PACS1: variants seen among roughly 807,000 people sequenced by gnomAD.
PACS1 encodes the protein PACS-1.
Under a neutral mutation model 115.0 loss-of-function variants are expected in PACS1, and 24 were observed. The ratio of observed to expected loss-of-function variants is 0.21; its 90% confidence interval spans 0.15 to 0.29. The LOEUF is 0.29. Ranked by LOEUF, PACS1 falls within the 10% of genes least tolerant of loss-of-function variation. The probability of loss-of-function intolerance (pLI) is 1.00; values close to 1 mark genes in which losing one functional copy is unlikely to be tolerated. For missense variants in PACS1, 838 were observed against 1,251.2 expected (o/e 0.67, Z 4.98); for synonymous variants, 453 against 504.5 (o/e 0.90, Z 1.37).
intron 11 of PACS1, 147 bp from the exon 12 acceptor site, chr11:66,230,401 C>T (rs1289817736): frequency 1.6e-6 from 1 of 633,956 alleles, no homozygotes; most frequent in Non-Finnish European, 2.8e-6. Flanking sequence ...TCGGCTGAGG[C>T]AGGAGCTTTA....
intron 4 of PACS1, among the ~76,000 whole-genome samples, chr11:66,214,446 T>G (rs1855150347): frequency 6.6e-6 from 1 of 152,084 alleles, no homozygotes; most frequent in Non-Finnish European, 1.5e-5. Flanking sequence ...TGTGAAGGAC[T>G]TACACTAAAA....
intron 3 of PACS1, among the ~76,000 whole-genome samples, chr11:66,210,655 G>C (rs1170213375): frequency 6.6e-6 from 1 of 152,158 alleles, no homozygotes; most frequent in Non-Finnish European, 1.5e-5. Flanking sequence ...TGGAGACCTG[G>C]GTAGGCACCG....
intron 1 of PACS1, among the ~76,000 whole-genome samples, chr11:66,185,719 C>T (rs1860114204): frequency 6.6e-6 from 1 of 152,094 alleles, no homozygotes; most frequent in Non-Finnish European, 1.5e-5. Flanking sequence ...TTTGTTATTT[C>T]AGCTTTTGAG....
chr11:66,100,682 C>G, intron 1 of PACS1: 1 of 401,048 alleles, frequency 2.5e-6, no homozygotes, highest in Non-Finnish European at 5.0e-6. Flanking sequence ...ATACTCAATT[C>G]TCTCTGCGGC....
chr11:66,154,195 G>C (rs997339985), intron 1 of PACS1, among the ~76,000 whole-genome samples: 2 of 152,170 alleles, frequency 1.3e-5, no homozygotes, highest in Non-Finnish European at 2.9e-5. Flanking sequence ...CCAGTGCTTT[G>C]GGAGTCCAAG....
intron 1 of PACS1, among the ~76,000 whole-genome samples, chr11:66,187,631 C>T (rs1854413361): frequency 6.6e-6 from 1 of 152,186 alleles, no homozygotes; most frequent in Non-Finnish European, 1.5e-5. Flanking sequence ...CTGCAAATGA[C>T]AGGATCTCAC....
At chr11:66,092,807 A>T (rs1301542306) in intron 1 of PACS1, among the ~76,000 whole-genome samples, 1 of 151,832 alleles carries the variant, frequency 6.6e-6, no homozygotes, top group Admixed American at 6.6e-5. Flanking sequence ...TGTTTTTCTC[A>T]GGTTTGTCAA....
rs1855661123 is a variant in PACS1 at position 66,234,234 on chromosome 11, C to G, written c.2096C>G (p.Pro699Arg). 1 of 1,611,332 alleles carries G rather than the reference C, an allele frequency of 6.2e-7. No individual in the cohort carries two copies. The highest frequency in any genetic ancestry group is 1.7e-5 in the Admixed American group (1 of 60,010). Residue 699 changes from proline (P) to arginine (R), a missense_variant, in exon 17 of 24, where the codon CCA (proline) becomes CGA (arginine). Pro to Arg is a moderately radical substitution (Grantham distance 103). Around this residue, in one of 6 missense-constraint regions of PACS1, gnomAD observed 383 missense variants for 537.0 expected, o/e 0.71. Coordinates refer to ENST00000320580, the MANE Select transcript of PACS1 (RefSeq NM_018026.4). ...GATCTGTTCAGTCGCTCGGAGCCAC[C>G]AGTGTCAGGTAATGGCCCCGTGTAA... ...WRDLFSRSEP[P>R]VSEQLDVAGR... is the part of the protein sequence containing the mutation.
At chr11:66,214,032 C>CAAAAAAAAAAAAA in intron 4 of PACS1, among the ~76,000 whole-genome samples, 1 of 42,980 alleles carries the variant, frequency 2.3e-5, no homozygotes, top group Non-Finnish European at 3.8e-5. Context: ...GACTCCATCT[C>CAAAAAAAAAAAAA]AAAAAAAAAA....
At chr11:66,181,613 TTAA>T (rs770066344) in intron 1 of PACS1, among the ~76,000 whole-genome samples, 3 of 152,266 alleles carry the variant, frequency 2.0e-5, no homozygotes, top group African/African-American at 4.8e-5. Flanking sequence ...TTTGAGCTTA[TTAA>T]TGTGATAATG....
chr11:66,171,013 T>C (rs1315753773), intron 1 of PACS1, among the ~76,000 whole-genome samples: 1 of 150,250 alleles, frequency 6.7e-6, no homozygotes, highest in Non-Finnish European at 1.5e-5. Context: ...TTGTGTATTC[T>C]CTTGTTGTGG....
chr11:66,109,153 G>A (rs574767207), intron 1 of PACS1, among the ~76,000 whole-genome samples: 1 of 152,314 alleles, frequency 6.6e-6, no homozygotes, highest in East Asian at 1.9e-4. Flanking sequence ...CAAGTTTTAT[G>A]CCAGCTGCAG....
At chr11:66,087,019 T>C (rs919368257) in intron 1 of PACS1, among the ~76,000 whole-genome samples, 4 of 152,110 alleles carry the variant, frequency 2.6e-5, no homozygotes, top group African/African-American at 9.7e-5. Flanking sequence ...ACATATATCA[T>C]AAGCCTAACT....
chr11:66,120,183 T>C (rs1013178357), intron 1 of PACS1, among the ~76,000 whole-genome samples: 1 of 147,572 alleles, frequency 6.8e-6, no homozygotes, highest in Non-Finnish European at 1.5e-5. Flanking sequence ...AGTCTCGCTC[T>C]GTTGCCCAGG....
chr11:66,070,441 C>T lies in PACS1; in HGVS notation c.-46C>T. 14 of 1,132,840 alleles carry T rather than the reference C, an allele frequency of 1.2e-5. No individual in the cohort carries two copies. The highest frequency in any genetic ancestry group is 1.6e-5 in the Non-Finnish European group (14 of 900,438). The allele number at this position is 1,132,840 out of a possible 1,614,324, so 70.2% of individuals were successfully genotyped here. On this transcript the variant is annotated 5_prime_UTR_variant, in exon 1 of 24. Coordinates refer to ENST00000320580, the MANE Select transcript of PACS1 (RefSeq NM_018026.4). This position sits in a 1 kb window ranked among gnomAD's most constrained non-coding sequence, Gnocchi z 5.9. ...GCCGCCGCGGGGGAAGCCTGGGAGC[C>T]AGATCGGCGTCGCCTCGGCCTCCGT... is the stretch of plus-strand genomic sequence containing the variant.
rs371211301 is a variant in PACS1, at chr11:66,229,018, C to T, written c.1374+1434C>T. ...AGGTAGTGGGCCCAGGGAGGAGGCA[C>T]GGGAGGTTAATTTAGAAAGGTGGCC... On this transcript the variant is annotated intron_variant, in intron 11 of 23. Transcript: ENST00000320580. 2.0e-4 allele frequency among the ~76,000 whole-genome samples: 31 copies of T among 151,600 alleles called. 2 individuals carry two copies. The East Asian group carries it at 3.7e-3, about 18-fold the overall frequency.
intron 1 of PACS1, among the ~76,000 whole-genome samples, chr11:66,171,466 T>C (rs1244216944): frequency 6.7e-6 from 1 of 150,372 alleles, no homozygotes; most frequent in Admixed American, 6.6e-5. Flanking sequence ...AACTTATGCT[T>C]TCTATTTGTT....
At chr11:66,194,715 T>TGTATTTACTGA (rs1029991115) in intron 2 of PACS1, among the ~76,000 whole-genome samples, 32 of 152,306 alleles carry the variant, frequency 2.1e-4, no homozygotes, top group African/African-American at 7.5e-4. Context: ...ACTGAATTCT[T>TGTATTTACTGA]ATTCATTGAA....
intron 1 of PACS1, among the ~76,000 whole-genome samples, chr11:66,180,765 C>G (rs1327231980): frequency 6.6e-6 from 1 of 152,110 alleles, no homozygotes; most frequent in Non-Finnish European, 1.5e-5. Flanking sequence ...CTCAAGTGAT[C>G]CTCCTACCTC....
Sources: allele counts gnomAD v4.1 joint callset (sites outside exome capture counted in the v4.1 genomes callset), GRCh38; gene constraint gnomAD v4.1.1; regional missense constraint gnomAD v4.1.1; non-coding constraint Gnocchi (gnomAD v3.1); transcripts MANE v1.5; gene names NCBI Gene and HGNC (gene_info 2026-07-23, HGNC 2026-07-21).